Variants in UNC5D observed in about 807,000 individuals in gnomAD.
The protein encoded by UNC5D is unc-5 netrin receptor D.
In UNC5D, 39 loss-of-function variants were observed where a neutral mutation model predicts 105.4. That is an observed-to-expected ratio of 0.37 (90% CI 0.29 to 0.48). UNC5D has a LOEUF of 0.48. UNC5D is among the 20% of genes least tolerant of loss of function. UNC5D has a pLI of 0.98. For synonymous variants in UNC5D, 452 were observed against 450.4 expected (o/e 1.00, Z -0.04); for missense variants, 991 against 1,202.4 (o/e 0.82, Z 2.60).
intron 4 of UNC5D, among the ~76,000 whole-genome samples, chr8:35,659,380 G>T (rs1823978679): frequency 6.6e-6 from 1 of 152,148 alleles, no homozygotes; most frequent in South Asian, 2.1e-4. Context: ...GAAGACTTAT[G>T]TATTTGATTA....
intron 1 of UNC5D, among the ~76,000 whole-genome samples, chr8:35,502,685 A>C (rs1356757455): frequency 1.3e-5 from 2 of 151,272 alleles, no homozygotes; most frequent in African/African-American, 4.9e-5. Context: ...CCGCCTCCTG[A>C]GTAGCTGGGA....
chr8:35,706,098 A>G, intron 8 of UNC5D, 137 bp downstream of exon 8: 1 of 496,794 alleles, frequency 2.0e-6, no homozygotes, highest in Non-Finnish European at 3.4e-6. Context: ...CATTGAGTTC[A>G]GAGTCACATA....
chr8:35,448,766 C>T (rs1807959645), intron 1 of UNC5D, among the ~76,000 whole-genome samples: 1 of 152,144 alleles, frequency 6.6e-6, no homozygotes, highest in African/African-American at 2.4e-5. Context: ...CCCTCTCCCA[C>T]CCTTTCACCC....
chr8:35,509,716 C>A (rs1294772094), intron 1 of UNC5D, among the ~76,000 whole-genome samples: 1 of 151,670 alleles, frequency 6.6e-6, no homozygotes, highest in Non-Finnish European at 1.5e-5. Flanking sequence ...TTCCCCACAC[C>A]AAGCAACTTT....
chr8:35,759,174 G>C, intron 13 of UNC5D, 146 bp from the exon 14 acceptor site: 1 of 810,800 alleles, frequency 1.2e-6, no homozygotes, highest in Non-Finnish European at 1.9e-6. Flanking sequence ...TATGGACTAT[G>C]GAGTTGTAAA....
At chr8:35,493,679 T>C (rs1440122184) in intron 1 of UNC5D, among the ~76,000 whole-genome samples, 2 of 152,158 alleles carry the variant, frequency 1.3e-5, no homozygotes, top group African/African-American at 4.8e-5. Context: ...TAATATTGAA[T>C]ATTGAATATT....
At chr8:35,773,148 G>A (rs1802085726) in intron 15 of UNC5D, among the ~76,000 whole-genome samples, 1 of 152,126 alleles carries the variant, frequency 6.6e-6, no homozygotes, top group South Asian at 2.1e-4. Context: ...TCATGGAAGT[G>A]ATTCAATTGG....
chr8:35,507,111 A>G lies in UNC5D; in HGVS notation c.104-42181A>G, dbSNP rs549616520. Reference sequence around the variant, plus strand: ...CGCTCTGTCGCCCAGGCTGGAGTGCAGTGGCGGGATCTCGGCTCACTGCAA... The same window carrying G: ...CGCTCTGTCGCCCAGGCTGGAGTGCGGTGGCGGGATCTCGGCTCACTGCAA... On this transcript the variant is annotated intron_variant, in intron 1 of 16. Coordinates refer to ENST00000404895, the MANE Select transcript of UNC5D (RefSeq NM_080872.4). 8.9e-5 allele frequency among the ~76,000 whole-genome samples: 11 copies of G among 123,304 alleles called. No homozygotes were observed. In the South Asian group the frequency reaches 2.1e-3, roughly 23 times the overall value. 80.9% of individuals were successfully genotyped at this position (123,304 alleles called of 152,430 possible). A position where few individuals can be genotyped will look rare whatever the true frequency, so the allele number is the denominator to read the frequency against.
At chr8:35,663,540 C>T (rs1824238806) in intron 4 of UNC5D, among the ~76,000 whole-genome samples, 1 of 152,092 alleles carries the variant, frequency 6.6e-6, no homozygotes, top group Non-Finnish European at 1.5e-5. Flanking sequence ...GTAACCATGT[C>T]TGAGAGTCTT....
chr8:35,786,580 A>G (rs1263057950), intron 16 of UNC5D, among the ~76,000 whole-genome samples: 3 of 152,212 alleles, frequency 2.0e-5, no homozygotes, highest in African/African-American at 7.2e-5. Flanking sequence ...TGCCTCTCTA[A>G]AGGTTCTGTT....
intron 4 of UNC5D, among the ~76,000 whole-genome samples, chr8:35,636,231 G>A (rs544960553): frequency 6.6e-6 from 1 of 152,250 alleles, no homozygotes; most frequent in South Asian, 2.1e-4. Context: ...TCGAATGATG[G>A]GTTTTGTACC....
chr8:35,308,415 C>A (rs945685360), intron 1 of UNC5D, among the ~76,000 whole-genome samples: 10 of 152,096 alleles, frequency 6.6e-5, no homozygotes, highest in African/African-American at 2.4e-4. Flanking sequence ...TTAACCACTA[C>A]CCCAGGGAAG....
intron 11 of UNC5D, among the ~76,000 whole-genome samples, chr8:35,748,206 A>G (rs1830097371): frequency 6.6e-6 from 1 of 152,222 alleles, no homozygotes; most frequent in Admixed American, 6.5e-5. Flanking sequence ...CAACAAGAAT[A>G]AGGATTCAGT....
At chr8:35,258,836 A>G (rs911527573) in intron 1 of UNC5D, among the ~76,000 whole-genome samples, 1 of 152,168 alleles carries the variant, frequency 6.6e-6, no homozygotes, top group South Asian at 2.1e-4. Flanking sequence ...ATCACAGCCA[A>G]GAGCCTCCCG....
intron 1 of UNC5D, among the ~76,000 whole-genome samples, chr8:35,293,744 G>A (rs1385496467): frequency 1.3e-5 from 2 of 152,158 alleles, no homozygotes; most frequent in Non-Finnish European, 2.9e-5. Context: ...TACTATAACG[G>A]TTATGGCATC....
At chr8:35,426,354 A>G (rs1308888339) in intron 1 of UNC5D, among the ~76,000 whole-genome samples, 1 of 152,236 alleles carries the variant, frequency 6.6e-6, no homozygotes, top group African/African-American at 2.4e-5. Context: ...GAATCATAAC[A>G]AAATTAGAGA....
chr8:35,421,272 A>G (rs1194911793), intron 1 of UNC5D, among the ~76,000 whole-genome samples: 2 of 152,224 alleles, frequency 1.3e-5, no homozygotes, highest in African/African-American at 2.4e-5. Context: ...GGGCTGAGGT[A>G]CAGGCTTTGT....
intron 6 of UNC5D, 131 bp from the exon 7 acceptor site, chr8:35,686,414 T>C (rs1171568928): frequency 6.2e-6 from 6 of 968,130 alleles, no homozygotes; most frequent in Non-Finnish European, 8.6e-6. Context: ...GATAAGTGGA[T>C]ATGTTCTTTT....
At chr8:35,406,926 G>A (rs902423270) in intron 1 of UNC5D, among the ~76,000 whole-genome samples, 5 of 152,064 alleles carry the variant, frequency 3.3e-5, no homozygotes, top group Non-Finnish European at 7.4e-5. Flanking sequence ...TATGGTGCAT[G>A]TATATATGTG....
Sources: allele counts gnomAD v4.1 joint callset (sites outside exome capture counted in the v4.1 genomes callset), GRCh38; gene constraint gnomAD v4.1.1; transcripts MANE v1.5; gene names NCBI Gene and HGNC (gene_info 2026-07-23, HGNC 2026-07-21).